MSN: variants seen among roughly 807,000 people sequenced by gnomAD.
MSN encodes the protein epididymis luminal protein 70.
Under a neutral mutation model 48.0 loss-of-function variants are expected in MSN, and 2 were observed. That is an observed-to-expected ratio of 0.04 (90% confidence interval 0.02 to 0.13). MSN has a LOEUF of 0.13. Among genes scored for constraint, MSN ranks in the 10% least tolerant of loss-of-function variants. The pLI is 1.00. For synonymous variants in MSN, 146 were observed against 166.9 expected, an observed-to-expected ratio of 0.87 and a Z score of 0.97; for missense variants, 267 against 470.1, an observed-to-expected ratio of 0.57 and a Z score of 3.99.
At chrX:65,711,800 A>G in intron 1 of MSN, among the ~76,000 whole-genome samples, 1 of 111,735 alleles carries the variant, frequency 8.9e-6, no homozygotes, top group Non-Finnish European at 1.9e-5. Flanking sequence ...CAAGATGTCA[A>G]ATTTCCCCAT....
At chrX:65,593,144 C>G (rs2070161508) in intron 1 of MSN, 1 of 110,652 alleles carries the variant, frequency 9.0e-6, no homozygotes, top group African/African-American at 3.3e-5. Flanking sequence ...CCGCTGCTAC[C>G]TTCCCACCTC....
chrX:65,734,423 G>A (rs150520125), intron 7 of MSN, among the ~76,000 whole-genome samples: 18 of 111,646 alleles, frequency 1.6e-4, no homozygotes, highest in African/African-American at 5.5e-4. Flanking sequence ...CAAAACTGAG[G>A]TTAGAGAGAT....
chrX:65,705,572 C>G (rs1043972078), intron 1 of MSN, among the ~76,000 whole-genome samples: 1 of 112,253 alleles, frequency 8.9e-6, no homozygotes, highest in Admixed American at 9.4e-5. Context: ...CATGCAATTA[C>G]GGCTGGATTA....
At chrX:65,619,287 A>G (rs1443296323) in intron 1 of MSN, among the ~76,000 whole-genome samples, 14 of 102,158 alleles carry the variant, frequency 1.4e-4, no homozygotes, top group Non-Finnish European at 1.7e-4. Context: ...CTCCTGGATA[A>G]TATCCTGCAG....
intron 1 of MSN, among the ~76,000 whole-genome samples, chrX:65,615,044 T>C (rs1412670910): frequency 1.9e-5 from 2 of 103,883 alleles, no homozygotes; most frequent in Non-Finnish European, 3.9e-5. Flanking sequence ...TCATCATTTT[T>C]TATGGCTGCA....
chrX:65,615,987 G>C (rs1300093100), intron 1 of MSN, among the ~76,000 whole-genome samples: 14 of 110,694 alleles, frequency 1.3e-4, no homozygotes, highest in South Asian at 3.8e-4. Flanking sequence ...GCTTGTTTTT[G>C]TCAGGTTTGT....
At chrX:65,597,153 A>G (rs186719992) in intron 1 of MSN, among the ~76,000 whole-genome samples, 12 of 110,358 alleles carry the variant, frequency 1.1e-4, no homozygotes, top group African/African-American at 2.0e-4. Context: ...GGCTCAAGTG[A>G]TCCTCTCACT....
chrX:65,606,491 C>T (rs887774653), intron 1 of MSN, among the ~76,000 whole-genome samples: 3 of 111,266 alleles, frequency 2.7e-5, no homozygotes, highest in South Asian at 3.8e-4. Flanking sequence ...GGTACAATCT[C>T]GGCTCACTGC....
intron 1 of MSN, among the ~76,000 whole-genome samples, chrX:65,600,267 G>C (rs2070223819): frequency 9.0e-6 from 1 of 111,128 alleles, no homozygotes; most frequent in Non-Finnish European, 1.9e-5. Flanking sequence ...GAGAGTTTGT[G>C]TGTCTCCCAA....
intron 1 of MSN, among the ~76,000 whole-genome samples, chrX:65,661,967 T>A (rs1315734249): frequency 8.9e-6 from 1 of 112,267 alleles, no homozygotes; most frequent in Non-Finnish European, 1.9e-5. Flanking sequence ...TGAGCTGAGA[T>A]TGTGCCATTG....
intron 1 of MSN, among the ~76,000 whole-genome samples, chrX:65,697,681 G>C (rs2071259036): frequency 8.9e-6 from 1 of 112,163 alleles, no homozygotes; most frequent in Non-Finnish European, 1.9e-5. Context: ...TTGACATTTG[G>C]GACCTTTTTA....
intron 1 of MSN, among the ~76,000 whole-genome samples, chrX:65,592,747 A>G (rs1459144486): frequency 9.0e-6 from 1 of 110,756 alleles, no homozygotes; most frequent in Non-Finnish European, 1.9e-5. Context: ...CAGATTAAAA[A>G]CACAATTTTG....
Position 65,727,920 on chromosome X carries a change from A to G in MSN, c.192+11A>G, listed in dbSNP as rs1474386488. ...AAACTCAATAAGAAGGTAACTGCTT[A>G]TTCCTCTGTTGGATTTAGAATTCTT... is the stretch of plus-strand genomic sequence containing the variant. On this transcript the variant is annotated intron_variant, in intron 3 of 12. Coordinates refer to ENST00000360270, the MANE Select transcript of MSN (RefSeq NM_002444.3). 8.5e-7 allele frequency: 1 copy of G among 1,175,144 alleles called. No homozygotes were observed. Among genetic ancestry groups the G allele is most frequent in the East Asian group, 3.0e-5 (1 of 33,688 alleles).
At chrX:65,632,008 G>T (rs868552464) in intron 1 of MSN, among the ~76,000 whole-genome samples, 1 of 111,946 alleles carries the variant, frequency 8.9e-6, no homozygotes, top group South Asian at 3.7e-4. Flanking sequence ...TAATAAAACA[G>T]TTATGAGCAT....
At position 65,627,397 on chromosome X, in the gene MSN, C is replaced by A. The variant is rs749969261; in HGVS notation, c.-22+38785C>A. On this transcript the variant is annotated intron_variant, in intron 1 of 3. Transcript: ENST00000609672. ...GACTTACAATTCCACATGGCTGGGG[C>A]AACCTCAGAATCATGGCAGGAGACG... Among the ~76,000 whole-genome samples, 9 of 110,591 alleles carry A rather than the reference C, an allele frequency of 8.1e-5. No individual in the cohort carries two copies. In the Admixed American group the frequency reaches 8.7e-4, roughly 11 times the overall value.
intron 1 of MSN, among the ~76,000 whole-genome samples, chrX:65,592,192 CTT>C (rs1176549178): frequency 1.0e-4 from 8 of 76,895 alleles, no homozygotes; most frequent in Non-Finnish European, 1.2e-4. Flanking sequence ...CTCTTCATCC[CTT>C]TTTTTTTTTT....
At chrX:65,678,532 G>A (rs769617936) in intron 1 of MSN, among the ~76,000 whole-genome samples, 4 of 111,379 alleles carry the variant, frequency 3.6e-5, no homozygotes, top group Non-Finnish European at 5.7e-5. Context: ...TTTGGAGCAG[G>A]TAAAGCCTTC....
At chrX:65,671,641 G>T (rs766469559) in intron 1 of MSN, among the ~76,000 whole-genome samples, 15 of 111,937 alleles carry the variant, frequency 1.3e-4, no homozygotes, top group Non-Finnish European at 2.1e-4. Flanking sequence ...CTCCACTTGG[G>T]TTCTTCAGTT....
intron 1 of MSN, among the ~76,000 whole-genome samples, chrX:65,694,433 G>A (rs2071210035): frequency 9.1e-6 from 1 of 109,387 alleles, no homozygotes; most frequent in African/African-American, 3.3e-5. Flanking sequence ...AGGTTCCAGC[G>A]ATTCCCTGTC....
Sources: allele counts gnomAD v4.1 joint callset (sites outside exome capture counted in the v4.1 genomes callset), GRCh38; gene constraint gnomAD v4.1.1; transcripts MANE v1.5; gene names NCBI Gene and HGNC (gene_info 2026-07-23, HGNC 2026-07-21).